MDM1: variants seen among roughly 807,000 people sequenced by gnomAD.
The protein encoded by MDM1 is Mdm1 nuclear protein.
In MDM1, 61 loss-of-function variants were observed where a neutral mutation model predicts 89.1. The observed-to-expected ratio is 0.68, with a 90% CI of 0.56 to 0.85. MDM1 has a LOEUF of 0.85. Ranked by LOEUF, MDM1 falls within the 40% of genes least tolerant of loss-of-function variation. The probability of loss-of-function intolerance (pLI) is 0.00; values close to 1 mark genes in which losing one functional copy is unlikely to be tolerated. For missense variants in MDM1, 820 were observed against 846.5 expected (o/e 0.97, Z 0.39); for synonymous variants, 290 against 294.1 (o/e 0.99, Z 0.14).
In MDM1 at chr12:68,296,871, T is replaced by C. The variant is rs374885239; in HGVS notation, c.2062+52A>G. ...GTGCTAATCAAATGTAAAGCCATTA[T>C]ACTCTCATAGACTAGAACTCAAACT... On this transcript the variant is annotated intron_variant, in intron 14 of 14. Coordinates refer to ENST00000682720, the MANE Select transcript of MDM1 (RefSeq NM_001354969.2). The C allele has an allele frequency of 4.4e-5, 55 of 1,250,440 alleles. No individual in the cohort carries two copies. The African/African-American group carries it at 6.8e-4, about 15-fold the overall frequency. The allele number at this position is 1,250,440 out of a possible 1,614,324, so 77.5% of individuals were successfully genotyped here.
chr12:68,317,348 A>G (rs1356919897), intron 7 of MDM1, among the ~76,000 whole-genome samples: 1 of 152,138 alleles, frequency 6.6e-6, no homozygotes, highest in Non-Finnish European at 1.5e-5. Context: ...CTCAAAAAAC[A>G]CTAATTTTTT....
At chr12:68,301,823 A>C (rs1872202560) in intron 13 of MDM1, among the ~76,000 whole-genome samples, 1 of 152,066 alleles carries the variant, frequency 6.6e-6, no homozygotes, top group Non-Finnish European at 1.5e-5. Flanking sequence ...CTGGAATTAC[A>C]GGTGTGCACT....
At position 68,321,598 on chromosome 12, in the gene MDM1, C is replaced by T. The variant is rs765329842; in HGVS notation, c.832G>A (p.Glu278Lys). 2.2e-5 allele frequency: 35 copies of T among 1,611,926 alleles called. 1 individual carries two copies. The South Asian group carries it at 3.9e-4, about 18-fold the overall frequency. The stretch of plus-strand genomic sequence containing the variant: ...AAGTCTTTTAATTCCATCTCTGCTT[C>T]CAATTTTAAACGATCGTCTATTTTA... ...SNKIDDRLKLEAEMELKDLHQ... is the reference protein window; with the variant it reads ...SNKIDDRLKLKAEMELKDLHQ... Residue 278 changes from glutamate to lysine, a missense_variant, in exon 6 of 15, where the codon GAA (glutamate) becomes AAA (lysine). Glu to Lys is a moderately conservative substitution (Grantham distance 56, BLOSUM62 1). Coordinates refer to ENST00000682720, the MANE Select transcript of MDM1 (RefSeq NM_001354969.2).
At chr12:68,317,521 T>C (rs17224817) in intron 7 of MDM1, among the ~76,000 whole-genome samples, 27,430 of 151,936 alleles carry the variant, frequency 0.18, 2,851 homozygotes, top group Admixed American at 0.26. Context: ...CTCTAGGGAA[T>C]TGGCCAAAGC....
chr12:68,325,246 G>A, intron 4 of MDM1, 195 bp downstream of exon 4: 1 of 1,203,574 alleles, frequency 8.3e-7, no homozygotes, highest in Non-Finnish European at 1.0e-6. Context: ...ATCATCAGAA[G>A]CCTAGGACAG....
Position 68,314,916 on chromosome 12 carries a change from C to T in MDM1, c.1529+32G>A, listed in dbSNP as rs370173942. On this transcript the variant is annotated intron_variant, in intron 10 of 14. Transcript: ENST00000682720. ...ATACATATCAACCATGTAAATAACG[C>T]TTCTCTATACTGAGTAATTTAAAAC... 4 of 1,534,148 alleles carry T rather than the reference C, an allele frequency of 2.6e-6. No individual in the cohort carries two copies. In the Admixed American group the frequency reaches 5.2e-5, roughly 20 times the overall value.
chr12:68,303,612 T>A (rs571647349), intron 12 of MDM1, among the ~76,000 whole-genome samples: 1 of 152,322 alleles, frequency 6.6e-6, no homozygotes, highest in Admixed American at 6.5e-5. Flanking sequence ...TGAGTAAAAA[T>A]TAGATTTTAA....
Position 68,326,273 on chromosome 12 carries a change from T to C in MDM1, c.498+384A>G, listed in dbSNP as rs185319318. On this transcript the variant is annotated intron_variant, in intron 3 of 14. Coordinates refer to ENST00000682720, the MANE Select transcript of MDM1 (RefSeq NM_001354969.2). ...AATTGAATTTCTGTTTGTCTTCTTG[T>C]ACACGATAAGAAACTGAAAAGGGGC... The C allele has an allele frequency of 2.6e-5, 32 of 1,217,612 alleles. No homozygotes were observed. The East Asian group carries it at 1.1e-3, about 43-fold the overall frequency. 75.4% of individuals were successfully genotyped at this position (1,217,612 alleles called of 1,614,324 possible).
At position 68,332,105 on chromosome 12, in the gene MDM1, G is replaced by T. The variant is rs1458934829; in HGVS notation, c.18+123C>A. The T allele has an allele frequency of 7.9e-6, 11 of 1,384,392 alleles. No individual in the cohort carries two copies. In the Admixed American group the frequency reaches 2.0e-4, roughly 25 times the overall value. The allele number at this position is 1,384,392 out of a possible 1,614,324, so 85.8% of individuals were successfully genotyped here. A position where few individuals can be genotyped will look rare whatever the true frequency, so the allele number is the denominator to read the frequency against. On this transcript the variant is annotated intron_variant, in intron 1 of 14. Coordinates refer to ENST00000682720, the MANE Select transcript of MDM1 (RefSeq NM_001354969.2). Reference sequence around the variant, plus strand: ...TCTGGGGCCCCTCGAGCAGGCCCTGGGGCTGGCAGCTTCCGCCGGGCAGAG... The same window carrying T: ...TCTGGGGCCCCTCGAGCAGGCCCTGTGGCTGGCAGCTTCCGCCGGGCAGAG...
rs7964052 is a variant in MDM1 at position 68,321,637 on chromosome 12, G to A, written c.802-9C>T. The A allele has an allele frequency of 0.29, 462,627 of 1,574,788 alleles. 70,746 individuals are homozygous for A. The highest frequency in any genetic ancestry group is 0.43 in the Middle Eastern group (1,989 of 4,664). ...TCGTCTATTTTATTACTCTGAAATG[G>A]AAATCATTTAAGCTTTTTATGCTTA... On this transcript the variant is annotated splice_polypyrimidine_tract_variant and intron_variant, in intron 5 of 14. Coordinates refer to ENST00000682720, the MANE Select transcript of MDM1 (RefSeq NM_001354969.2).
At position 68,316,222 on chromosome 12, in the gene MDM1, T is replaced by A; in HGVS notation, c.1067A>T (p.Tyr356Phe). ...ATGCGTCCCCTGAACTCGCTTCCTA[T>A]AAAACTCAGCCTTTTCTCGGAGTTC... The part of the protein sequence containing the change: ...VKELREKAEF[Y>F]RKRVQGTHFS... The change falls in exon 9 of 15, where the codon TAT becomes TTT. Residue 356 changes from tyrosine (Y) to phenylalanine (F), a missense_variant. Coordinates refer to ENST00000682720, the MANE Select transcript of MDM1 (RefSeq NM_001354969.2). 2 of 1,613,976 alleles carry A rather than the reference T, an allele frequency of 1.2e-6. No homozygotes were observed. Among genetic ancestry groups the A allele is most frequent in the Non-Finnish European group, 1.7e-6 (2 of 1,179,932 alleles).
chr12:68,317,980 C>T (rs1470144621), intron 7 of MDM1, among the ~76,000 whole-genome samples: 2 of 152,212 alleles, frequency 1.3e-5, no homozygotes, highest in African/African-American at 4.8e-5. Context: ...GAATTAATTG[C>T]ACATGCCCTC....
chr12:68,302,984 G>C, intron 12 of MDM1, 112 bp from the exon 13 acceptor site: 4 of 950,292 alleles, frequency 4.2e-6, no homozygotes, highest in Non-Finnish European at 4.4e-6. Context: ...GGAGAAATAT[G>C]AGAGAATTTA....
chr12:68,314,502 C>T (rs1164905616), intron 10 of MDM1, among the ~76,000 whole-genome samples: 1 of 152,132 alleles, frequency 6.6e-6, no homozygotes, highest in Admixed American at 6.5e-5. Context: ...TGGAGAAGAG[C>T]CACTCCCCAA....
At chr12:68,316,483 T>G in intron 8 of MDM1, 98 bp downstream of exon 8, 4 of 1,050,708 alleles carry the variant, frequency 3.8e-6, no homozygotes. Context: ...GAGAAATTCA[T>G]AGCAGCTAAG....
chr12:68,316,543 C>T, intron 8 of MDM1, 38 bp downstream of exon 8: 1 of 1,489,156 alleles, frequency 6.7e-7, no homozygotes, highest in African/African-American at 1.4e-5. Flanking sequence ...CACAAGTAAT[C>T]TATGATTATA....
chr12:68,309,236 A>G (rs965700293), intron 12 of MDM1, among the ~76,000 whole-genome samples: 1 of 152,082 alleles, frequency 6.6e-6, no homozygotes, highest in African/African-American at 2.4e-5. Context: ...CAAACTCTAC[A>G]TTGTTTCTCT....
intron 13 of MDM1, among the ~76,000 whole-genome samples, chr12:68,299,405 A>G (rs1240484840): frequency 1.3e-5 from 2 of 152,136 alleles, no homozygotes; most frequent in African/African-American, 4.8e-5. Flanking sequence ...AATTCAGGAT[A>G]TGAATGAAAA....
chr12:68,311,993 T>C (rs1434250004), intron 12 of MDM1, among the ~76,000 whole-genome samples: 1 of 152,184 alleles, frequency 6.6e-6, no homozygotes, highest in East Asian at 1.9e-4. Flanking sequence ...ACCTCCAGGA[T>C]ACCAGTCTCG....
Sources: allele counts gnomAD v4.1 joint callset (sites outside exome capture counted in the v4.1 genomes callset), GRCh38; gene constraint gnomAD v4.1.1; transcripts MANE v1.5; gene names NCBI Gene and HGNC (gene_info 2026-07-23, HGNC 2026-07-21).